Variants in EPS15L1 observed in about 807,000 individuals in gnomAD.
EPS15L1 encodes epidermal growth factor receptor substrate 15-like 1.
In EPS15L1, 43 loss-of-function variants were observed where a neutral mutation model predicts 117.1. The ratio of observed to expected loss-of-function variants is 0.37; its 90% confidence interval spans 0.29 to 0.47. The LOEUF is 0.47. Ranked by LOEUF, EPS15L1 falls within the 20% of genes least tolerant of loss-of-function variation. The probability of loss-of-function intolerance (pLI) is 0.99; values close to 1 mark genes in which losing one functional copy is unlikely to be tolerated. For missense variants in EPS15L1, 981 were observed against 1,164.0 expected, an observed-to-expected ratio of 0.84 and a Z score of 2.29; for synonymous variants, 459 against 470.5, an observed-to-expected ratio of 0.98 and a Z score of 0.32.
At chr19:16,451,567 C>T (rs2093143778) in intron 1 of EPS15L1, among the ~76,000 whole-genome samples, 2 of 149,824 alleles carry the variant, frequency 1.3e-5, no homozygotes, top group Admixed American at 6.6e-5. Context: ...TTTGCTCTGT[C>T]GCCCAGGCTG....
intron 1 of EPS15L1, among the ~76,000 whole-genome samples, chr19:16,469,501 C>T (rs553372351): frequency 6.6e-6 from 1 of 151,784 alleles, no homozygotes; most frequent in Non-Finnish European, 1.5e-5. Context: ...CAGGGAGACA[C>T]ACAAATCACT....
chr19:16,390,119 G>A (rs2092461498), intron 19 of EPS15L1, among the ~76,000 whole-genome samples: 1 of 152,032 alleles, frequency 6.6e-6, no homozygotes, highest in Non-Finnish European at 1.5e-5. Flanking sequence ...CCAACACTAT[G>A]CTACTTACAA....
At chr19:16,401,507 C>T in intron 16 of EPS15L1, 6 of 985,738 alleles carry the variant, frequency 6.1e-6, no homozygotes, top group Non-Finnish European at 7.2e-6. Context: ...CAGCAGAGCA[C>T]CAAGGAAACA....
chr19:16,405,477 C>T lies in EPS15L1; in HGVS notation c.1267-728G>A, dbSNP rs2092647051. On this transcript the variant is annotated intron_variant, in intron 13 of 23. Transcript: ENST00000455140. The surrounding 1 kb of genome is among the most constrained non-coding windows in gnomAD (Gnocchi z 4.0). ...AGATGGTCAGCCCGAGGCTCCAATG[C>T]CCCATGATTCCACTTCCAAGAAAAG... Among the ~76,000 whole-genome samples, 1 of 152,206 alleles carries T rather than the reference C, an allele frequency of 6.6e-6. No homozygotes were observed. The highest frequency in any genetic ancestry group is 2.4e-5 in the African/African-American group (1 of 41,458).
intron 1 of EPS15L1, among the ~76,000 whole-genome samples, chr19:16,459,135 A>T (rs2093224522): frequency 6.6e-6 from 1 of 152,256 alleles, no homozygotes. Context: ...ATACAGCAGT[A>T]TAATCTTACG....
chr19:16,449,782 G>A (rs1156949156), intron 1 of EPS15L1, among the ~76,000 whole-genome samples: 1 of 152,140 alleles, frequency 6.6e-6, no homozygotes, highest in Non-Finnish European at 1.5e-5. Context: ...TCAGCAAACT[G>A]TGGTCCAAGC....
intron 1 of EPS15L1, 82 bp from the exon 2 acceptor site, chr19:16,442,301 T>C: frequency 2.8e-6 from 3 of 1,054,900 alleles, no homozygotes; most frequent in Non-Finnish European, 4.4e-6. Flanking sequence ...AATTTTGTCA[T>C]GACCAAAATA....
intron 16 of EPS15L1, among the ~76,000 whole-genome samples, chr19:16,400,336 CAAAAAAAAAAAAACAAAAACAA>C (rs1475463803): frequency 1.6e-5 from 1 of 60,684 alleles, no homozygotes; most frequent in South Asian, 5.5e-4. Context: ...GACTCCGTCT[CAAAAAAAAAAAAACAAAAACAA>C]AAAAAAAAAA....
intron 23 of EPS15L1, among the ~76,000 whole-genome samples, chr19:16,360,088 G>GA (rs1171974992): frequency 2.7e-5 from 4 of 147,140 alleles, no homozygotes; most frequent in Non-Finnish European, 6.0e-5. Context: ...TATGCTTTTC[G>GA]AAAAAACGAG....
chr19:16,368,957 A>G (rs2144664723), intron 22 of EPS15L1, among the ~76,000 whole-genome samples: 1 of 152,360 alleles, frequency 6.6e-6, no homozygotes, highest in Non-Finnish European at 1.5e-5. Flanking sequence ...AAGGCCACTG[A>G]CATGTCTTAT....
At chr19:16,451,300 G>GTT (rs1270337354) in intron 1 of EPS15L1, among the ~76,000 whole-genome samples, 1 of 152,122 alleles carries the variant, frequency 6.6e-6, no homozygotes, top group African/African-American at 2.4e-5. Context: ...AAAATGAGAA[G>GTT]TTTTGTTTTT....
At chr19:16,406,175 A>G (rs771425073) in intron 13 of EPS15L1, among the ~76,000 whole-genome samples, 4 of 152,216 alleles carry the variant, frequency 2.6e-5, no homozygotes, top group Admixed American at 2.0e-4. Context: ...TCTCCTCACT[A>G]TGGGGACAAA....
intron 13 of EPS15L1, among the ~76,000 whole-genome samples, chr19:16,408,299 C>T (rs1173481593): frequency 6.6e-6 from 1 of 152,090 alleles, no homozygotes; most frequent in African/African-American, 2.4e-5. Context: ...TCCCAGCTGG[C>T]TTCTTTGCAG....
intron 21 of EPS15L1, among the ~76,000 whole-genome samples, chr19:16,377,856 C>T (rs981038106): frequency 3.3e-5 from 5 of 152,324 alleles, no homozygotes; most frequent in South Asian, 4.1e-4. Context: ...AGCATGCCCA[C>T]GCCACCTCCA....
intron 19 of EPS15L1, among the ~76,000 whole-genome samples, chr19:16,389,214 AG>A (rs1430985705): frequency 6.7e-6 from 1 of 150,286 alleles, no homozygotes; most frequent in Non-Finnish European, 1.5e-5. Flanking sequence ...AGCACTTTGG[AG>A]GGGCTGAGGC....
intron 1 of EPS15L1, among the ~76,000 whole-genome samples, chr19:16,446,107 G>A (rs1331111090): frequency 6.6e-6 from 1 of 152,230 alleles, no homozygotes; most frequent in Non-Finnish European, 1.5e-5. Context: ...GGCACAAGGA[G>A]AAGGACAAGT....
chr19:16,355,923 A>G (rs1025327538), intron 23 of EPS15L1, 72 bp from the exon 24 acceptor site: 2 of 1,499,160 alleles, frequency 1.3e-6, no homozygotes, highest in African/African-American at 2.8e-5. Context: ...GGAGGCAGGG[A>G]ATGCGTGGGA....
intron 12 of EPS15L1, among the ~76,000 whole-genome samples, chr19:16,414,867 G>A (rs552349263): frequency 3.3e-4 from 50 of 151,928 alleles, no homozygotes; most frequent in Non-Finnish European, 6.0e-4. Context: ...GCCCCACCAG[G>A]CCTGGCTAAT....
At chr19:16,420,476 G>T (rs1165736952) in intron 10 of EPS15L1, among the ~76,000 whole-genome samples, 1 of 152,196 alleles carries the variant, frequency 6.6e-6, no homozygotes, top group Non-Finnish European at 1.5e-5. Context: ...GCCAGTTGGA[G>T]GCGGCTTGGC....
Sources: allele counts gnomAD v4.1 joint callset (sites outside exome capture counted in the v4.1 genomes callset), GRCh38; gene constraint gnomAD v4.1.1; non-coding constraint Gnocchi (gnomAD v3.1); transcripts MANE v1.5; gene names NCBI Gene and HGNC (gene_info 2026-07-23, HGNC 2026-07-21).